The following SNX10 variants were observed in gnomAD, a reference collection of about 807,000 sequenced individuals.
SNX10 encodes sorting nexin 10, also known as sorting nexin-10.
In SNX10, 25 loss-of-function variants were observed where a neutral mutation model predicts 28.5. The ratio of observed to expected loss-of-function variants is 0.88; its 90% CI spans 0.64 to 1.22. The LOEUF is 1.22. Among genes scored for constraint, SNX10 ranks in the 50% most tolerant of loss-of-function variants. The pLI is 0.00. For missense variants in SNX10, 223 were observed against 242.6 expected, an observed-to-expected ratio of 0.92 and a Z score of 0.54; for synonymous variants, 62 against 81.4, an observed-to-expected ratio of 0.76 and a Z score of 1.28.
intron 5 of SNX10, among the ~76,000 whole-genome samples, chr7:26,365,940 T>G (rs1789272243): frequency 6.6e-6 from 1 of 152,176 alleles, no homozygotes; most frequent in Admixed American, 6.5e-5. Flanking sequence ...CTCATAGGGT[T>G]GTTGAGAAGA....
intron 1 of SNX10, among the ~76,000 whole-genome samples, chr7:26,320,670 G>T (rs1180354211): frequency 6.6e-6 from 1 of 152,064 alleles, no homozygotes; most frequent in Non-Finnish European, 1.5e-5. Context: ...CTGACCTTTT[G>T]ATCCGCCTGC....
chr7:26,293,992 C>T (rs201936597), intron 1 of SNX10, among the ~76,000 whole-genome samples: 15 of 152,316 alleles, frequency 9.8e-5, no homozygotes, highest in East Asian at 1.9e-4. Context: ...TCATTTTGCT[C>T]GTTAAGTTAC....
At chr7:26,330,767 C>G (rs566851990) in intron 1 of SNX10, among the ~76,000 whole-genome samples, 2 of 152,082 alleles carry the variant, frequency 1.3e-5, no homozygotes, top group African/African-American at 4.8e-5. Context: ...CACCTGTAGT[C>G]GCAGCTACTC....
intron 5 of SNX10, among the ~76,000 whole-genome samples, chr7:26,365,415 T>A (rs1420412169): frequency 6.6e-6 from 1 of 152,204 alleles, no homozygotes; most frequent in Non-Finnish European, 1.5e-5. Flanking sequence ...AGATCTAAAT[T>A]ACCTGGGCGT....
At chr7:26,312,357 A>G (rs1283755858) in intron 1 of SNX10, among the ~76,000 whole-genome samples, 1 of 152,240 alleles carries the variant, frequency 6.6e-6, no homozygotes, top group African/African-American at 2.4e-5. Flanking sequence ...TACAAACCAG[A>G]AAAATATACT....
At chr7:26,372,436 T>C (rs780118058) in intron 6 of SNX10, 55 bp from the exon 7 acceptor site, 15 of 1,051,928 alleles carry the variant, frequency 1.4e-5, no homozygotes, top group South Asian at 1.0e-4. Flanking sequence ...GCTTTGAGTG[T>C]GTTGTGAAAA....
At chr7:26,327,570 GTGTT>G (rs1787551549) in intron 1 of SNX10, among the ~76,000 whole-genome samples, 1 of 152,122 alleles carries the variant, frequency 6.6e-6, no homozygotes, top group Non-Finnish European at 1.5e-5. Context: ...TTGTAACACT[GTGTT>G]TGTTGCCTGA....
At chr7:26,314,203 T>C (rs1786969250) in intron 1 of SNX10, among the ~76,000 whole-genome samples, 2 of 152,162 alleles carry the variant, frequency 1.3e-5, no homozygotes, top group Non-Finnish European at 2.9e-5. Flanking sequence ...ATGGCTTGTC[T>C]GTCAATATAT....
chr7:26,372,479 C>A lies in SNX10; in HGVS notation c.525-12C>A. 1 of 1,576,136 alleles carries A rather than the reference C, an allele frequency of 6.3e-7. No individual in the cohort carries two copies. Among genetic ancestry groups the A allele is most frequent in the Non-Finnish European group, 8.7e-7 (1 of 1,145,684 alleles). The stretch of plus-strand genomic sequence containing the variant: ...CCTCTTTTTATTATTTTCCCCCTCT[C>A]TTCTTTTCCAGTTCATCCTCTGGGC... On this transcript the variant is annotated splice_polypyrimidine_tract_variant and intron_variant, in intron 6 of 6. Coordinates refer to ENST00000338523, the MANE Select transcript of SNX10 (RefSeq NM_013322.3).
At chr7:26,357,045 T>C in intron 2 of SNX10, 1 of 1,218,720 alleles carries the variant, frequency 8.2e-7, no homozygotes, top group South Asian at 1.4e-5. Context: ...ATGGAAGGCA[T>C]TGGATGTATG....
intron 1 of SNX10, among the ~76,000 whole-genome samples, chr7:26,313,005 A>G (rs569244676): frequency 2.6e-5 from 4 of 152,238 alleles, no homozygotes; most frequent in Non-Finnish European, 4.4e-5. Flanking sequence ...GATGATTCAG[A>G]TGATATGGCT....
intron 2 of SNX10, among the ~76,000 whole-genome samples, chr7:26,358,805 G>GTTTTTTTTTTTTTTTGTTTTTTTT (rs1788939092): frequency 1.0e-5 from 1 of 100,112 alleles, no homozygotes; most frequent in Non-Finnish European, 1.8e-5. Flanking sequence ...GTTATCTTGT[G>GTTTTTTTTTTTTTTTGTTTTTTTT]TTTTTTTTTT....
intron 1 of SNX10, among the ~76,000 whole-genome samples, chr7:26,314,245 A>G (rs534947788): frequency 1.6e-3 from 228 of 146,246 alleles, no homozygotes; most frequent in South Asian, 6.6e-3. Context: ...TGTAAAGGAC[A>G]TAATGTGCCT....
At chr7:26,295,838 C>T (rs1490886062) in intron 1 of SNX10, among the ~76,000 whole-genome samples, 1 of 152,142 alleles carries the variant, frequency 6.6e-6, no homozygotes, top group Non-Finnish European at 1.5e-5. Flanking sequence ...GAGATGTGAG[C>T]CAGGAAAAGA....
At chr7:26,337,930 A>T (rs1415316879) in intron 1 of SNX10, among the ~76,000 whole-genome samples, 2 of 152,166 alleles carry the variant, frequency 1.3e-5, no homozygotes, top group East Asian at 3.8e-4. Context: ...TGCTGCCAAC[A>T]GAAGGGTTCC....
At chr7:26,360,914 G>A (rs1247394426) in intron 2 of SNX10, 61 bp from the exon 3 acceptor site, 2 of 1,594,730 alleles carry the variant, frequency 1.3e-6, no homozygotes, top group African/African-American at 2.7e-5. Context: ...GTTTTGTTCA[G>A]TTCTTTCCAG....
At chr7:26,320,193 G>C (rs935849243) in intron 1 of SNX10, among the ~76,000 whole-genome samples, 2 of 151,820 alleles carry the variant, frequency 1.3e-5, no homozygotes, top group African/African-American at 4.8e-5. Context: ...TGTTGGCCAG[G>C]CTGGTCCCCA....
At chr7:26,342,119 C>T (rs567628579) in intron 1 of SNX10, among the ~76,000 whole-genome samples, 3 of 150,910 alleles carry the variant, frequency 2.0e-5, no homozygotes, top group African/African-American at 4.9e-5. Flanking sequence ...CTGCACCTCC[C>T]AAGTTCAAGT....
intron 1 of SNX10, among the ~76,000 whole-genome samples, chr7:26,333,517 G>A (rs1212772182): frequency 6.6e-6 from 1 of 150,558 alleles, no homozygotes; most frequent in Non-Finnish European, 1.5e-5. Flanking sequence ...GTAGAGATGG[G>A]GTTTCACCAT....
Sources: gnomAD v4.1 joint callset for allele counts (sites outside exome capture counted in the v4.1 genomes callset) on GRCh38, gnomAD v4.1.1 for gene constraint, MANE v1.5 for transcripts, NCBI Gene and HGNC (gene_info 2026-07-23, HGNC 2026-07-21) for gene names.